The following ENPP3 variants were observed in gnomAD, a reference collection of about 807,000 sequenced individuals.
ENPP3 encodes ectonucleotide pyrophosphatase/phosphodiesterase 3.
In ENPP3, 104 loss-of-function variants were observed where a neutral mutation model predicts 117.8. The ratio of observed to expected loss-of-function variants is 0.88; its 90% CI spans 0.75 to 1.04. The LOEUF (loss-of-function observed/expected upper bound fraction) is 1.04. ENPP3 is among the 50% of genes least tolerant of loss of function. The pLI, the probability that ENPP3 is intolerant of heterozygous loss-of-function variation, is 0.00. For synonymous variants in ENPP3, 380 were observed against 349.9 expected (o/e 1.09, Z -0.96); for missense variants, 1,026 against 1,051.9 (o/e 0.98, Z 0.34).
intron 14 of ENPP3, among the ~76,000 whole-genome samples, chr6:131,690,020 G>T (rs1440408196): frequency 6.6e-6 from 1 of 152,166 alleles, no homozygotes; most frequent in Non-Finnish European, 1.5e-5. Flanking sequence ...GAGAAAACTG[G>T]AACAGATGAA....
intron 6 of ENPP3, among the ~76,000 whole-genome samples, chr6:131,666,386 G>C (rs1232584228): frequency 6.6e-6 from 1 of 152,018 alleles, no homozygotes; most frequent in East Asian, 1.9e-4. Flanking sequence ...GGATCTGGTT[G>C]CCCATTTTTC....
intron 2 of ENPP3, chr6:131,642,937 T>A (rs1778083818): frequency 6.6e-6 from 1 of 152,206 alleles, no homozygotes; most frequent in Admixed American, 6.5e-5. Context: ...ATAAACCTCA[T>A]TGGCTACTAT....
At chr6:131,743,918 C>T (rs60069958) in intron 24 of ENPP3, among the ~76,000 whole-genome samples, 31,045 of 152,076 alleles carry the variant, frequency 0.2, 3,519 homozygotes, top group African/African-American at 0.29. Flanking sequence ...GTAGTACATT[C>T]ACAAACTGTT....
At chr6:131,680,976 C>T (rs904975647) in intron 11 of ENPP3, among the ~76,000 whole-genome samples, 1 of 151,740 alleles carries the variant, frequency 6.6e-6, no homozygotes, top group Non-Finnish European at 1.5e-5. Flanking sequence ...GATTTCAAAA[C>T]TGTAAAGAGT....
chr6:131,687,217 T>C (rs760767598), intron 14 of ENPP3, among the ~76,000 whole-genome samples: 16 of 152,168 alleles, frequency 1.1e-4, no homozygotes, highest in Non-Finnish European at 2.2e-4. Flanking sequence ...TTCTGACTAG[T>C]GTGAGATGGT....
In ENPP3 at chr6:131,683,782, G is replaced by T. The variant is rs1346455542; in HGVS notation, c.1120+620G>T. On this transcript the variant is annotated intron_variant, in intron 12 of 24. Coordinates refer to ENST00000357639, the MANE Select transcript of ENPP3 (RefSeq NM_005021.5). ...TTTTTTTTTTTTGAGATAGAGTCTC[G>T]CTCTGTCACCCAGGCTGGAATGCAG... 1.5e-5 allele frequency among the ~76,000 whole-genome samples: 2 copies of T among 133,286 alleles called. 1 individual carries two copies. The highest frequency in any genetic ancestry group is 1.7e-4 in the Admixed American group (2 of 11,740). 87.4% of individuals were successfully genotyped at this position (133,286 alleles called of 152,430 possible).
chr6:131,728,571 T>G (rs1780205765), intron 20 of ENPP3, among the ~76,000 whole-genome samples: 1 of 152,234 alleles, frequency 6.6e-6, no homozygotes, highest in African/African-American at 2.4e-5. Context: ...GAAATTACTC[T>G]GTTAGTGTGT....
In ENPP3 at chr6:131,747,045, A is replaced by C. The variant is rs1358609262; in HGVS notation, c.*89A>C. 3 of 680,866 alleles carry C rather than the reference A, an allele frequency of 4.4e-6. No individual in the cohort carries two copies. The highest frequency in any genetic ancestry group is 6.7e-6 in the Non-Finnish European group (3 of 445,246). The allele number at this position is 680,866 out of a possible 1,614,324, so 42.2% of individuals were successfully genotyped here. On this transcript the variant is annotated 3_prime_UTR_variant, in exon 25 of 25. Transcript: ENST00000357639. ...TTTTTTTCTGGAGAATTGTAAAATA[A>C]AGTTTTCTATTTTTCCTTAAGTCCC...
intron 5 of ENPP3, among the ~76,000 whole-genome samples, chr6:131,653,278 G>A (rs1291504039): frequency 2.0e-5 from 3 of 151,054 alleles, no homozygotes; most frequent in Non-Finnish European, 4.4e-5. Flanking sequence ...CTATAGGCAC[G>A]CCACCATGCT....
intron 7 of ENPP3, among the ~76,000 whole-genome samples, chr6:131,673,573 T>G (rs1778796533): frequency 6.6e-6 from 1 of 152,102 alleles, no homozygotes; most frequent in Admixed American, 6.6e-5. Context: ...TATTGAGTGC[T>G]GGCTTAATAC....
chr6:131,735,747 A>G (rs1562481769), intron 21 of ENPP3, among the ~76,000 whole-genome samples: 2 of 152,120 alleles, frequency 1.3e-5, no homozygotes, highest in African/African-American at 2.4e-5. Flanking sequence ...TCATGTTCTT[A>G]TATATTACAG....
At chr6:131,722,584 G>A (rs1780060270) in intron 18 of ENPP3, among the ~76,000 whole-genome samples, 179 bp downstream of exon 18, 1 of 152,184 alleles carries the variant, frequency 6.6e-6, no homozygotes, top group Non-Finnish European at 1.5e-5. Context: ...TGCATACATT[G>A]TAAGATTAAG....
chr6:131,647,714 A>G (rs1207419411), intron 2 of ENPP3, among the ~76,000 whole-genome samples: 1 of 152,192 alleles, frequency 6.6e-6, no homozygotes, highest in Non-Finnish European at 1.5e-5. Context: ...TTTCTAAAAG[A>G]TAAATTTTTT....
chr6:131,740,367 T>A lies in ENPP3; in HGVS notation c.2444T>A (p.Val815Glu). Residue 815 changes from valine to glutamate, a missense_variant, in exon 24 of 25, where the codon GTG (valine) becomes GAG (glutamate). Transcript: ENST00000357639. Reference protein sequence around the residue: ...PFIIPHRPTNVESCPEGKPEA... With the variant: ...PFIIPHRPTNEESCPEGKPEA... ...ATCATCCCTCACCGACCTACCAACG[T>A]GGAGAGCTGTCCTGTGAGTATGCTT... is the stretch of plus-strand genomic sequence containing the variant. The A allele has an allele frequency of 1.2e-6, 2 of 1,609,266 alleles. No individual in the cohort carries two copies. Among genetic ancestry groups the A allele is most frequent in the Admixed American group, 3.4e-5 (2 of 59,334 alleles).
Position 131,637,335 on chromosome 6 carries a change from AG to A in ENPP3, c.-48del. On this transcript the variant is annotated 5_prime_UTR_variant, in exon 1 of 25. Transcript: ENST00000357639. ...TCTCTTTGCCAGACTAGACTAAAGAAGGAGCACTAATTTATTCTGATAAAAC... is the reference window on the plus strand; with the variant it reads ...TCTCTTTGCCAGACTAGACTAAAGAAGAGCACTAATTTATTCTGATAAAAC... 1 of 1,178,208 alleles carries A rather than the reference AG, an allele frequency of 8.5e-7. No homozygotes were observed. Among genetic ancestry groups the A allele is most frequent in the Non-Finnish European group, 1.2e-6 (1 of 837,044 alleles). The allele number at this position is 1,178,208 out of a possible 1,614,324, so 73.0% of individuals were successfully genotyped here.
In ENPP3 at chr6:131,637,401, C is replaced by G; in HGVS notation, c.17C>G (p.Thr6Ser). ...ACCAGGACAATGGAATCTACGTTGA[C>G]TTTAGCAACGGAACAACCTGTTAAG... MESTL[T>S]LATEQPVKKN... The change falls in exon 1 of 25, where the codon ACT becomes AGT. Residue 6 changes from threonine to serine, a missense_variant. Thr to Ser is a moderately conservative substitution (Grantham distance 58). Transcript: ENST00000357639. 1 of 1,597,868 alleles carries G rather than the reference C, an allele frequency of 6.3e-7. No homozygotes were observed. Among genetic ancestry groups the G allele is most frequent in the Non-Finnish European group, 8.5e-7 (1 of 1,172,228 alleles).
chr6:131,677,864 CT>C lies in ENPP3; in HGVS notation c.939-3del. The C allele has an allele frequency of 2.5e-6, 4 of 1,591,566 alleles. No homozygotes were observed. The highest frequency in any genetic ancestry group is 2.2e-5 in the East Asian group (1 of 44,726). On this transcript the variant is annotated splice_region_variant and splice_polypyrimidine_tract_variant and intron_variant, in intron 10 of 24. Transcript: ENST00000357639. ...ATATATTTCTGTTTCAATTTTACCC[CT>C]AGACCCAGGTTTTATACCATGTATT... is the stretch of plus-strand genomic sequence containing the variant.
intron 15 of ENPP3, among the ~76,000 whole-genome samples, chr6:131,716,163 G>C (rs1364239986): frequency 6.6e-6 from 1 of 152,148 alleles, no homozygotes; most frequent in Admixed American, 6.6e-5. Flanking sequence ...TGGAGAATTT[G>C]TTCCAAAATA....
intron 13 of ENPP3, 64 bp from the exon 14 acceptor site, chr6:131,685,812 C>A: frequency 1.4e-6 from 1 of 718,064 alleles, no homozygotes; most frequent in South Asian, 1.5e-5. Context: ...CTGAGTGGTT[C>A]ACATTCTTTG....
Sources: gnomAD v4.1 joint callset for allele counts (sites outside exome capture counted in the v4.1 genomes callset) on GRCh38, gnomAD v4.1.1 for gene constraint, MANE v1.5 for transcripts, NCBI Gene and HGNC (gene_info 2026-07-23, HGNC 2026-07-21) for gene names.